HPSE2: variants seen among roughly 807,000 people sequenced by gnomAD.
HPSE2 encodes the protein heparanase 2 (inactive).
HPSE2 carries 38 observed loss-of-function variants against 60.5 expected under a neutral mutation model. The ratio of observed to expected loss-of-function variants is 0.63; its 90% CI spans 0.48 to 0.82. The LOEUF is 0.82. Among genes scored for constraint, HPSE2 ranks in the 40% least tolerant of loss-of-function variants. HPSE2 has a pLI of 0.00. For missense variants in HPSE2, 713 were observed against 740.4 expected, an observed-to-expected ratio of 0.96 and a Z score of 0.43; for synonymous variants, 295 against 293.2, an observed-to-expected ratio of 1.01 and a Z score of -0.06.
chr10:99,178,804 G>C (rs10883288), intron 2 of HPSE2, among the ~76,000 whole-genome samples: 75,024 of 151,958 alleles, frequency 0.49, 21,693 homozygotes, highest in Non-Finnish European at 0.64. Flanking sequence ...AAACCTGGCA[G>C]AGACACAACA....
At chr10:99,259,103 C>G in the HPSE2 span, among the ~76,000 whole-genome samples, 1 of 152,062 alleles carries the variant, frequency 6.6e-6, no homozygotes, top group Non-Finnish European at 1.5e-5. Flanking sequence ...GTCAGGAGTT[C>G]AAGACCAGCC....
chr10:98,907,746 A>G (rs1488090751), intron 3 of HPSE2, among the ~76,000 whole-genome samples: 3 of 152,180 alleles, frequency 2.0e-5, no homozygotes, highest in Non-Finnish European at 4.4e-5. Flanking sequence ...TATTGAGTCA[A>G]TCTGGATAAA....
the HPSE2 span, among the ~76,000 whole-genome samples, chr10:99,246,394 GT>G: frequency 6.6e-6 from 1 of 152,204 alleles, no homozygotes; most frequent in Non-Finnish European, 1.5e-5. Context: ...CATTTGATAA[GT>G]GCTATAATAA....
At chr10:99,177,834 C>T (rs1417614201) in intron 2 of HPSE2, among the ~76,000 whole-genome samples, 1 of 152,180 alleles carries the variant, frequency 6.6e-6, no homozygotes, top group East Asian at 1.9e-4. Context: ...CTCAGCACCA[C>T]ATCGCACTTA....
At chr10:98,694,695 A>G (rs1948165905) in intron 5 of HPSE2, among the ~76,000 whole-genome samples, 1 of 152,198 alleles carries the variant, frequency 6.6e-6, no homozygotes, top group African/African-American at 2.4e-5. Flanking sequence ...TGGGGGCCCA[A>G]AGATGACACA....
intron 3 of HPSE2, among the ~76,000 whole-genome samples, chr10:98,765,539 C>T (rs1218902552): frequency 6.6e-6 from 1 of 152,052 alleles, no homozygotes; most frequent in Admixed American, 6.6e-5. Context: ...GCAAAAAATG[C>T]TCTTATTTAA....
At chr10:99,011,586 T>A (rs1957016830) in intron 3 of HPSE2, among the ~76,000 whole-genome samples, 1 of 151,612 alleles carries the variant, frequency 6.6e-6, no homozygotes, top group Non-Finnish European at 1.5e-5. Flanking sequence ...TGAAACCCCA[T>A]CTCTACTAAA....
intron 3 of HPSE2, among the ~76,000 whole-genome samples, chr10:98,837,208 G>A (rs1402239153): frequency 1.3e-5 from 2 of 152,144 alleles, no homozygotes; most frequent in African/African-American, 4.8e-5. Context: ...GTATAAGAGA[G>A]AATAATCATT....
At chr10:98,719,034 T>TGG (rs1948857611) in intron 5 of HPSE2, among the ~76,000 whole-genome samples, 1 of 152,196 alleles carries the variant, frequency 6.6e-6, no homozygotes, top group African/African-American at 2.4e-5. Context: ...TTTAAAAACT[T>TGG]AGACATTGGT....
At chr10:98,802,294 C>CT (rs1351856641) in intron 3 of HPSE2, among the ~76,000 whole-genome samples, 3 of 51,488 alleles carry the variant, frequency 5.8e-5, no homozygotes, top group African/African-American at 9.5e-5. Flanking sequence ...TAAATTTTCT[C>CT]TTTTTATTTT....
intron 3 of HPSE2, among the ~76,000 whole-genome samples, chr10:98,959,439 A>C (rs1031152938): frequency 5.9e-5 from 9 of 151,766 alleles, no homozygotes; most frequent in Admixed American, 5.3e-4. Context: ...ACACCCATAT[A>C]TCTTCAAAGG....
Position 99,126,556 on chromosome 10 carries a change from A to T in HPSE2, c.610+17682T>A, listed in dbSNP as rs1845171604. ...TCAACCAACTCAGGCCATTACAACAACTCATGACAGAATAACCCTGCTCCC... is the reference window on the plus strand; with the variant it reads ...TCAACCAACTCAGGCCATTACAACATCTCATGACAGAATAACCCTGCTCCC... On this transcript the variant is annotated intron_variant, in intron 3 of 11. Coordinates refer to ENST00000370552, the MANE Select transcript of HPSE2 (RefSeq NM_021828.5). The surrounding 1 kb of genome is among the most constrained non-coding windows in gnomAD (Gnocchi z 4.0). Among the ~76,000 whole-genome samples, 1 of 152,032 alleles carries T rather than the reference A, an allele frequency of 6.6e-6. No individual in the cohort carries two copies.
At chr10:98,731,909 A>G (rs1020168914) in intron 4 of HPSE2, among the ~76,000 whole-genome samples, 4 of 152,224 alleles carry the variant, frequency 2.6e-5, no homozygotes, top group Non-Finnish European at 5.9e-5. Context: ...GGGAAAAAAT[A>G]CAAAATCTAA....
At chr10:98,663,210 T>A (rs1180224846) in intron 6 of HPSE2, among the ~76,000 whole-genome samples, 1 of 152,146 alleles carries the variant, frequency 6.6e-6, no homozygotes, top group Non-Finnish European at 1.5e-5. Context: ...CACTACCAAG[T>A]ATCTGCTATG....
intron 3 of HPSE2, among the ~76,000 whole-genome samples, chr10:99,103,721 T>G (rs1445594217): frequency 6.6e-6 from 1 of 152,146 alleles, no homozygotes; most frequent in Non-Finnish European, 1.5e-5. Context: ...TCATACTACC[T>G]GACTTCAAAC....
intron 3 of HPSE2, among the ~76,000 whole-genome samples, chr10:98,978,693 A>C (rs1956141170): frequency 6.6e-6 from 1 of 152,218 alleles, no homozygotes; most frequent in Admixed American, 6.6e-5. Context: ...ACTAATTACT[A>C]CATTCTTGCT....
intron 3 of HPSE2, among the ~76,000 whole-genome samples, chr10:99,121,211 T>C (rs901048653): frequency 1.3e-5 from 2 of 152,156 alleles, no homozygotes; most frequent in Non-Finnish European, 2.9e-5. Flanking sequence ...AAATACTGCA[T>C]GCTCTCACTT....
At chr10:98,527,967 G>A (rs548992276) in intron 9 of HPSE2, among the ~76,000 whole-genome samples, 1 of 152,310 alleles carries the variant, frequency 6.6e-6, no homozygotes, top group South Asian at 2.1e-4. Context: ...CCCCCAAGTT[G>A]CTGATCTGAG....
Position 99,040,863 on chromosome 10 carries a change from G to C in HPSE2, c.610+103375C>G, listed in dbSNP as rs983328145. Reference sequence around the variant, plus strand: ...GCACTTTGGGAGGCCGAGGCGAGCGGATCACAAGATCAGGAGATCGAGACC... The same window carrying C: ...GCACTTTGGGAGGCCGAGGCGAGCGCATCACAAGATCAGGAGATCGAGACC... On this transcript the variant is annotated intron_variant, in intron 3 of 11. Transcript: ENST00000370552. Among the ~76,000 whole-genome samples, 8 of 152,152 alleles carry C rather than the reference G, an allele frequency of 5.3e-5. No homozygotes were observed. The East Asian group carries it at 1.5e-3, about 29-fold the overall frequency.
Sources: gnomAD v4.1 joint callset for allele counts (sites outside exome capture counted in the v4.1 genomes callset) on GRCh38, gnomAD v4.1.1 for gene constraint, Gnocchi (gnomAD v3.1) non-coding constraint, MANE v1.5 for transcripts, NCBI Gene and HGNC (gene_info 2026-07-23, HGNC 2026-07-21) for gene names.